The following CADM2 variants were observed in gnomAD, a reference collection of about 807,000 sequenced individuals.
CADM2 encodes immunoglobulin superfamily member 4D.
In CADM2, 12 loss-of-function variants were observed where a neutral mutation model predicts 49.8. The ratio of observed to expected loss-of-function variants is 0.24; its 90% CI spans 0.15 to 0.39. The LOEUF (loss-of-function observed/expected upper bound fraction) is 0.39. CADM2 is among the 10% of genes least tolerant of loss of function. The pLI, the probability that CADM2 is intolerant of heterozygous loss-of-function variation, is 1.00. For synonymous variants in CADM2, 214 were observed against 175.4 expected (o/e 1.22, Z -1.74); for missense variants, 378 against 492.3 (o/e 0.77, Z 2.20).
chr3:85,912,369 T>A lies in CADM2; in HGVS notation c.530-4T>A. On this transcript the variant is annotated splice_region_variant and splice_polypyrimidine_tract_variant and intron_variant, in intron 5 of 9. Coordinates refer to ENST00000383699, the MANE Select transcript of CADM2 (RefSeq NM_001167675.2). The stretch of plus-strand genomic sequence containing the variant: ...ACATTTTAAAATTCATATTTTATTT[T>A]CAGATGTAAAATATTTAAAAGAAGA... 6.3e-7 allele frequency: 1 copy of A among 1,596,268 alleles called. No homozygotes were observed. Among genetic ancestry groups the A allele is most frequent in the Non-Finnish European group, 8.6e-7 (1 of 1,169,042 alleles).
At chr3:85,184,466 C>T (rs1449681077) in intron 1 of CADM2, among the ~76,000 whole-genome samples, 1 of 151,942 alleles carries the variant, frequency 6.6e-6, no homozygotes, top group Non-Finnish European at 1.5e-5. Flanking sequence ...TATTACTCTG[C>T]TTATTATTTT....
intron 1 of CADM2, among the ~76,000 whole-genome samples, chr3:85,601,428 A>G (rs1382483106): frequency 6.6e-6 from 1 of 151,026 alleles, no homozygotes; most frequent in Non-Finnish European, 1.5e-5. Flanking sequence ...ACATTAACTC[A>G]ATGAACTACT....
intron 1 of CADM2, among the ~76,000 whole-genome samples, chr3:85,018,712 C>T (rs905713203): frequency 3.3e-5 from 5 of 152,158 alleles, no homozygotes; most frequent in Non-Finnish European, 5.9e-5. Context: ...CCTTTTATAG[C>T]TTCCTTATAT....
intron 1 of CADM2, among the ~76,000 whole-genome samples, chr3:85,393,973 A>G (rs1346739339): frequency 6.6e-6 from 1 of 151,874 alleles, no homozygotes; most frequent in Non-Finnish European, 1.5e-5. Context: ...CGCCTCGCTA[A>G]TTTTTTGTAT....
intron 2 of CADM2, among the ~76,000 whole-genome samples, chr3:85,727,167 T>C (rs1453945673): frequency 6.6e-6 from 1 of 152,148 alleles, no homozygotes; most frequent in Non-Finnish European, 1.5e-5. Flanking sequence ...TATGATACTG[T>C]ATCATAGACC....
chr3:85,529,504 A>G (rs2061246824), intron 1 of CADM2, among the ~76,000 whole-genome samples: 1 of 152,316 alleles, frequency 6.6e-6, no homozygotes, highest in Non-Finnish European at 1.5e-5. Flanking sequence ...TATACTCACT[A>G]TATGTGAGAC....
rs186926749 is a variant in CADM2 at position 85,831,133 on chromosome 3, C to G, written c.238+28937C>G. ...GTGTTAATTCGCTTAGGATAATGGT[C>G]TCCAGCTGCATCCATGCTGCTGCAA... is the stretch of plus-strand genomic sequence containing the variant. On this transcript the variant is annotated intron_variant, in intron 3 of 9. Coordinates refer to ENST00000383699, the MANE Select transcript of CADM2 (RefSeq NM_001167675.2). Among the ~76,000 whole-genome samples, 50 of 151,920 alleles carry G rather than the reference C, an allele frequency of 3.3e-4. No individual in the cohort carries two copies. In the East Asian group the frequency reaches 9.0e-3, roughly 27 times the overall value.
At chr3:85,645,676 G>C (rs1258049996) in intron 1 of CADM2, among the ~76,000 whole-genome samples, 1 of 151,780 alleles carries the variant, frequency 6.6e-6, no homozygotes, top group Non-Finnish European at 1.5e-5. Flanking sequence ...TGAAATGTTT[G>C]TTGAAATGAA....
At position 85,950,111 on chromosome 3, in the gene CADM2, T is replaced by G. The variant is rs190804831; in HGVS notation, c.792-11358T>G. Among the ~76,000 whole-genome samples, 145 of 151,314 alleles carry G rather than the reference T, an allele frequency of 9.6e-4. No homozygotes were observed. The Middle Eastern group carries it at 0.01, about 11-fold the overall frequency. On this transcript the variant is annotated intron_variant, in intron 7 of 9. Transcript: ENST00000383699. ...AATAGTCAATAATTTTCAAATAAGT[T>G]GAAAACTTTTCTGAAGAATGGTTAT...
chr3:85,613,558 T>C (rs2063729724), intron 1 of CADM2, among the ~76,000 whole-genome samples: 1 of 151,718 alleles, frequency 6.6e-6, no homozygotes, highest in South Asian at 2.1e-4. Context: ...TAAGTTTTAA[T>C]GATCACGATA....
chr3:85,619,789 G>T (rs2063914357), intron 1 of CADM2, among the ~76,000 whole-genome samples: 1 of 152,100 alleles, frequency 6.6e-6, no homozygotes, highest in South Asian at 2.1e-4. Flanking sequence ...CTTTGAGAAA[G>T]AATTCCACCA....
chr3:85,998,619 A>G (rs1729730920), intron 8 of CADM2, among the ~76,000 whole-genome samples: 2 of 152,172 alleles, frequency 1.3e-5, no homozygotes, highest in South Asian at 4.1e-4. Flanking sequence ...AAATTATATG[A>G]TATATAGTAG....
chr3:85,746,148 A>T (rs1200066799), intron 2 of CADM2, among the ~76,000 whole-genome samples: 1 of 152,206 alleles, frequency 6.6e-6, no homozygotes, highest in African/African-American at 2.4e-5. Flanking sequence ...CCAAAGAGCA[A>T]CTAGAACCTC....
intron 8 of CADM2, among the ~76,000 whole-genome samples, chr3:86,059,890 A>T (rs1045051827): frequency 1.3e-5 from 2 of 152,170 alleles, no homozygotes; most frequent in African/African-American, 4.8e-5. Flanking sequence ...ATTTAAAAAA[A>T]AGCATAGCCA....
chr3:85,686,575 A>G (rs1057062659), intron 1 of CADM2, among the ~76,000 whole-genome samples: 1 of 152,220 alleles, frequency 6.6e-6, no homozygotes, highest in African/African-American at 2.4e-5. Flanking sequence ...TTTATAAAAT[A>G]TTTAGTATCT....
intron 1 of CADM2, among the ~76,000 whole-genome samples, chr3:85,203,647 T>C (rs1182061831): frequency 6.6e-6 from 1 of 152,218 alleles, no homozygotes; most frequent in Non-Finnish European, 1.5e-5. Flanking sequence ...GTAGACTTGC[T>C]CGGCTTAGGG....
chr3:85,731,336 G>A (rs1344261983), intron 2 of CADM2, among the ~76,000 whole-genome samples: 1 of 152,084 alleles, frequency 6.6e-6, no homozygotes, highest in African/African-American at 2.4e-5. Flanking sequence ...TAGTCAGACA[G>A]GAATATGTTG....
intron 1 of CADM2, among the ~76,000 whole-genome samples, chr3:85,048,993 A>G (rs1236477849): frequency 1.3e-5 from 2 of 152,174 alleles, no homozygotes; most frequent in African/African-American, 4.8e-5. Flanking sequence ...ATTAGGGGAA[A>G]AATAATGGAT....
chr3:85,115,956 A>G (rs929669009), intron 1 of CADM2, among the ~76,000 whole-genome samples: 4 of 152,240 alleles, frequency 2.6e-5, no homozygotes, highest in Non-Finnish European at 4.4e-5. Flanking sequence ...ACTGAATAAC[A>G]TCAGTAACAC....
Sources: gnomAD v4.1 joint callset for allele counts (sites outside exome capture counted in the v4.1 genomes callset) on GRCh38, gnomAD v4.1.1 for gene constraint, MANE v1.5 for transcripts, NCBI Gene and HGNC (gene_info 2026-07-23, HGNC 2026-07-21) for gene names.